Variants in SEMA5A observed in about 807,000 individuals in gnomAD.
The protein encoded by SEMA5A is semaphorin 5A.
Under a neutral mutation model 135.5 loss-of-function variants are expected in SEMA5A, and 55 were observed. The observed-to-expected ratio is 0.41, with a 90% CI of 0.33 to 0.51. The LOEUF is 0.51. SEMA5A is among the 20% of genes least tolerant of loss of function. SEMA5A has a pLI of 0.37. For synonymous variants in SEMA5A, 580 were observed against 546.5 expected, an observed-to-expected ratio of 1.06 and a Z score of -0.85; for missense variants, 1,290 against 1,419.9, an observed-to-expected ratio of 0.91 and a Z score of 1.47.
intron 7 of SEMA5A, 115 bp downstream of exon 7, chr5:9,226,754 T>C (rs1747332266): frequency 1.4e-6 from 1 of 708,258 alleles, no homozygotes; most frequent in Non-Finnish European, 2.4e-6. Flanking sequence ...AAAAGTGCTT[T>C]AGAATTGAAC....
chr5:9,513,032 T>A (rs891893117), intron 1 of SEMA5A, among the ~76,000 whole-genome samples: 3 of 147,280 alleles, frequency 2.0e-5, no homozygotes, highest in African/African-American at 7.5e-5. Flanking sequence ...ATGCTCTGCC[T>A]TATTTTGCTG....
chr5:9,237,545 G>A (rs949041460), intron 6 of SEMA5A, among the ~76,000 whole-genome samples: 5 of 152,086 alleles, frequency 3.3e-5, no homozygotes, highest in African/African-American at 9.7e-5. Context: ...ATTTTTTCCA[G>A]CGCTATCAAT....
chr5:9,077,353 T>A (rs1738124904), intron 16 of SEMA5A, among the ~76,000 whole-genome samples: 1 of 152,208 alleles, frequency 6.6e-6, no homozygotes, highest in Non-Finnish European at 1.5e-5. Flanking sequence ...ATACGCTAGT[T>A]ACTCTGGGGA....
At chr5:9,399,213 AC>A (rs1756539420) in intron 2 of SEMA5A, among the ~76,000 whole-genome samples, 1 of 152,238 alleles carries the variant, frequency 6.6e-6, no homozygotes, top group Non-Finnish European at 1.5e-5. Context: ...ATCAACTAAT[AC>A]ATGGAGAACA....
intron 16 of SEMA5A, among the ~76,000 whole-genome samples, chr5:9,074,616 T>C (rs1737945610): frequency 6.6e-6 from 1 of 152,162 alleles, no homozygotes; most frequent in African/African-American, 2.4e-5. Flanking sequence ...CTTGCACCCA[T>C]TATGTATTTT....
intron 16 of SEMA5A, among the ~76,000 whole-genome samples, chr5:9,094,858 G>A (rs1739233119): frequency 6.6e-6 from 1 of 152,062 alleles, no homozygotes; most frequent in South Asian, 2.1e-4. Flanking sequence ...CATGCAGCAC[G>A]GCTTATAAAA....
intron 2 of SEMA5A, among the ~76,000 whole-genome samples, chr5:9,419,759 C>G (rs1757401369): frequency 6.6e-6 from 1 of 152,094 alleles, no homozygotes; most frequent in African/African-American, 2.4e-5. Flanking sequence ...TGGGAGCATT[C>G]CATTTTTTTC....
chr5:9,094,799 C>CA (rs1003607641), intron 16 of SEMA5A, among the ~76,000 whole-genome samples: 6 of 152,152 alleles, frequency 3.9e-5, no homozygotes, highest in South Asian at 2.1e-4. Context: ...CACTTTACAT[C>CA]ATGATAGAAG....
At chr5:9,434,984 TAG>T (rs1191639482) in intron 2 of SEMA5A, among the ~76,000 whole-genome samples, 1 of 152,188 alleles carries the variant, frequency 6.6e-6, no homozygotes, top group Non-Finnish European at 1.5e-5. Flanking sequence ...AATGATATAG[TAG>T]AGAGTCAAAT....
At chr5:9,415,006 A>T (rs951761996) in intron 2 of SEMA5A, among the ~76,000 whole-genome samples, 1 of 152,190 alleles carries the variant, frequency 6.6e-6, no homozygotes, top group African/African-American at 2.4e-5. Flanking sequence ...GATGGGTCTC[A>T]ATTATTTTGT....
At chr5:9,398,456 T>C (rs1262971490) in intron 2 of SEMA5A, among the ~76,000 whole-genome samples, 1 of 152,230 alleles carries the variant, frequency 6.6e-6, no homozygotes, top group Non-Finnish European at 1.5e-5. Context: ...GCAATATTTT[T>C]CTCCAGTGGT....
chr5:9,088,637 AATATATAT>A lies in SEMA5A; in HGVS notation c.2073+19495_2073+19502del, dbSNP rs71611400. Among the ~76,000 whole-genome samples, 67 of 108,112 alleles carry A rather than the reference AATATATAT, an allele frequency of 6.2e-4. 5 individuals are homozygous for A. Among genetic ancestry groups the A allele is most frequent in the African/African-American group, 2.4e-3 (56 of 23,622 alleles). The allele number at this position is 108,112 out of a possible 152,430, so 70.9% of individuals were successfully genotyped here. On this transcript the variant is annotated intron_variant, in intron 16 of 22. Transcript: ENST00000382496. ...GCAGCAGCAGGAAGCCTACATTTAT[AATATATAT>A]ATATATATATATATACACACACACA...
At chr5:9,111,053 A>G (rs1416200717) in intron 15 of SEMA5A, among the ~76,000 whole-genome samples, 2 of 152,246 alleles carry the variant, frequency 1.3e-5, no homozygotes, top group African/African-American at 2.4e-5. Flanking sequence ...TGGTTCATGG[A>G]GTATTCCAGG....
intron 1 of SEMA5A, among the ~76,000 whole-genome samples, chr5:9,538,439 C>T (rs1737899686): frequency 6.6e-6 from 1 of 152,178 alleles, no homozygotes; most frequent in Non-Finnish European, 1.5e-5. Flanking sequence ...AAGCAGGCAT[C>T]ATGAACTTCT....
chr5:9,451,529 G>A (rs1758644665), intron 1 of SEMA5A, among the ~76,000 whole-genome samples: 1 of 152,184 alleles, frequency 6.6e-6, no homozygotes, highest in Admixed American at 6.5e-5. Flanking sequence ...TCAGAAAAGT[G>A]GGGTGAAATG....
intron 12 of SEMA5A, among the ~76,000 whole-genome samples, chr5:9,141,316 C>T (rs189421473): frequency 6.6e-6 from 1 of 152,068 alleles, no homozygotes; most frequent in Non-Finnish European, 1.5e-5. Flanking sequence ...AATGTTTTTC[C>T]TTGTGTGGTA....
intron 2 of SEMA5A, among the ~76,000 whole-genome samples, chr5:9,425,877 T>C (rs1473950406): frequency 6.6e-6 from 1 of 152,210 alleles, no homozygotes; most frequent in Non-Finnish European, 1.5e-5. Flanking sequence ...TAAGAAGTTA[T>C]ATATTATCCA....
Position 9,474,721 on chromosome 5 carries a change from C to A in SEMA5A, c.-174-36869G>T, listed in dbSNP as rs538885998. ...TCTGTATGGTGGTAACTCAGTGAAA[C>A]TTACTGCCACCTACATGGCCCCATG... On this transcript the variant is annotated intron_variant, in intron 1 of 22. Coordinates refer to ENST00000382496, the MANE Select transcript of SEMA5A (RefSeq NM_003966.3). 2.6e-5 allele frequency among the ~76,000 whole-genome samples: 4 copies of A among 152,282 alleles called. No individual in the cohort carries two copies. In the South Asian group the frequency reaches 8.3e-4, roughly 32 times the overall value.
At chr5:9,145,440 T>A (rs183679536) in intron 12 of SEMA5A, among the ~76,000 whole-genome samples, 16 of 152,230 alleles carry the variant, frequency 1.1e-4, no homozygotes, top group African/African-American at 3.6e-4. Flanking sequence ...AGAACAGTTA[T>A]CTCCTTAAGA....
Sources: allele counts gnomAD v4.1 joint callset (sites outside exome capture counted in the v4.1 genomes callset), GRCh38; gene constraint gnomAD v4.1.1; transcripts MANE v1.5; gene names NCBI Gene and HGNC (gene_info 2026-07-23, HGNC 2026-07-21).